The following SUCLG2 variants were observed in gnomAD, a reference collection of about 807,000 sequenced individuals.
The protein encoded by SUCLG2 is succinate-CoA ligase GDP-forming subunit beta.
A neutral mutation model predicts 47.9 loss-of-function variants in SUCLG2; 42 were observed. The ratio of observed to expected loss-of-function variants is 0.88; its 90% CI spans 0.69 to 1.14. The LOEUF is 1.14. Among genes scored for constraint, SUCLG2 ranks in the 50% most tolerant of loss-of-function variants. SUCLG2 has a pLI of 0.00. For missense variants in SUCLG2, 571 were observed against 525.9 expected, an observed-to-expected ratio of 1.09 and a Z score of -0.84; for synonymous variants, 195 against 197.3, an observed-to-expected ratio of 0.99 and a Z score of 0.10.
Position 67,375,581 on chromosome 3 carries a change from A to G in SUCLG2, c.*163T>C, listed in dbSNP as rs979729936. The stretch of plus-strand genomic sequence containing the variant: ...GACCAAAATCAGATTTAGGCTGTCT[A>G]GATATCTTATTCCAGAAAACACAGA... On this transcript the variant is annotated 3_prime_UTR_variant, in exon 11 of 11. Transcript: ENST00000307227. The G allele has an allele frequency of 9.3e-5, 133 of 1,423,250 alleles. No homozygotes were observed. Among genetic ancestry groups the G allele is most frequent in the Admixed American group, 2.3e-4 (8 of 34,492 alleles). The allele number at this position is 1,423,250 out of a possible 1,614,324, so 88.2% of individuals were successfully genotyped here.
At chr3:67,602,293 T>TAA (rs1708437398) in intron 2 of SUCLG2, among the ~76,000 whole-genome samples, 2 of 152,198 alleles carry the variant, frequency 1.3e-5, no homozygotes, top group Admixed American at 6.5e-5. Flanking sequence ...AATCCTTGCT[T>TAA]TAGTAGGCTG....
intron 6 of SUCLG2, among the ~76,000 whole-genome samples, chr3:67,513,603 T>C (rs1467831758): frequency 6.6e-6 from 1 of 152,178 alleles, no homozygotes; most frequent in African/African-American, 2.4e-5. Flanking sequence ...TGGCATGGCA[T>C]GTGGCAAGTT....
intron 9 of SUCLG2, among the ~76,000 whole-genome samples, chr3:67,461,330 T>C (rs1198590609): frequency 2.0e-5 from 3 of 152,176 alleles, no homozygotes; most frequent in Non-Finnish European, 4.4e-5. Flanking sequence ...ATAAATCTGC[T>C]TGAAGTCTTG....
intron 10 of SUCLG2, among the ~76,000 whole-genome samples, chr3:67,390,580 AT>A (rs1285670543): frequency 4.4e-4 from 67 of 152,020 alleles, no homozygotes; most frequent in Admixed American, 1.0e-3. Context: ...ACAGCTACAT[AT>A]TTGGGGGAAA....
chr3:67,472,610 AG>A (rs1704632668), intron 9 of SUCLG2, among the ~76,000 whole-genome samples: 1 of 152,208 alleles, frequency 6.6e-6, no homozygotes, highest in Admixed American at 6.5e-5. Context: ...ACTTGTTAAT[AG>A]GTTTTTATTT....
chr3:67,431,513 A>G (rs1264959811), intron 9 of SUCLG2, among the ~76,000 whole-genome samples: 3 of 152,176 alleles, frequency 2.0e-5, no homozygotes, highest in African/African-American at 7.2e-5. Flanking sequence ...GATAGACTGG[A>G]TTAAGAAAAT....
At chr3:67,498,752 T>C (rs1275934251) in intron 7 of SUCLG2, among the ~76,000 whole-genome samples, 1 of 152,238 alleles carries the variant, frequency 6.6e-6, no homozygotes, top group African/African-American at 2.4e-5. Flanking sequence ...AAATTTTTAT[T>C]GAATCAGTAT....
chr3:67,405,224 G>A (rs1285544603), intron 9 of SUCLG2, among the ~76,000 whole-genome samples: 1 of 152,216 alleles, frequency 6.6e-6, no homozygotes, highest in Non-Finnish European at 1.5e-5. Context: ...CAGCTGTGCA[G>A]GTGGTCAGGC....
intron 2 of SUCLG2, among the ~76,000 whole-genome samples, chr3:67,547,999 C>CA (rs1706912258): frequency 6.6e-6 from 1 of 152,214 alleles, no homozygotes; most frequent in South Asian, 2.1e-4. Context: ...GTACCAGGCA[C>CA]ATAGCAGGCC....
In SUCLG2 at chr3:67,400,767, G is replaced by T; in HGVS notation, c.1147C>A (p.Leu383Ile). The change falls in exon 10 of 11, where the codon CTA (leucine) becomes ATA (isoleucine). Residue 383 changes from leucine to isoleucine, a missense_variant. Transcript: ENST00000307227. Reference protein sequence around the residue: ...ANGITKACRELELKVPLVVRL... With the variant: ...ANGITKACREIELKVPLVVRL... Reference sequence around the variant, plus strand: ...ACCACCAGGGGCACCTTGAGTTCTAGCTCCCGGCAGGCTTTGGTGATCCCA... The same window carrying T: ...ACCACCAGGGGCACCTTGAGTTCTATCTCCCGGCAGGCTTTGGTGATCCCA... The T allele has an allele frequency of 6.2e-7, 1 of 1,611,852 alleles. No individual in the cohort carries two copies. The highest frequency in any genetic ancestry group is 8.5e-7 in the Non-Finnish European group (1 of 1,179,908).
intron 9 of SUCLG2, among the ~76,000 whole-genome samples, chr3:67,482,849 G>C (rs1033320259): frequency 1.3e-5 from 2 of 152,122 alleles, no homozygotes; most frequent in African/African-American, 4.8e-5. Context: ...TGGATTTTCT[G>C]CTTGCTGTTT....
intron 9 of SUCLG2, among the ~76,000 whole-genome samples, chr3:67,463,216 G>C (rs1372934924): frequency 2.0e-5 from 3 of 152,150 alleles, no homozygotes; most frequent in Non-Finnish European, 4.4e-5. Flanking sequence ...AAAATTTTCT[G>C]GATTTTAAAA....
chr3:67,576,767 T>C (rs1559579527), intron 2 of SUCLG2, among the ~76,000 whole-genome samples: 1 of 152,188 alleles, frequency 6.6e-6, no homozygotes, highest in Non-Finnish European at 1.5e-5. Context: ...TATCTCAAAC[T>C]GGGTTGGAGG....
At chr3:67,525,839 A>T (rs1706241905) in intron 4 of SUCLG2, among the ~76,000 whole-genome samples, 1 of 152,232 alleles carries the variant, frequency 6.6e-6, no homozygotes. Context: ...TGAAAAAATG[A>T]ATATATACGT....
At chr3:67,575,410 C>G (rs1467393251) in intron 2 of SUCLG2, among the ~76,000 whole-genome samples, 1 of 152,114 alleles carries the variant, frequency 6.6e-6, no homozygotes, top group Non-Finnish European at 1.5e-5. Context: ...AAACAGTATG[C>G]TATGAAGCCA....
At chr3:67,426,746 G>A (rs2106873187) in intron 9 of SUCLG2, among the ~76,000 whole-genome samples, 1 of 152,196 alleles carries the variant, frequency 6.6e-6, no homozygotes, top group South Asian at 2.1e-4. Flanking sequence ...TGGCCAACAT[G>A]GTGAAACCCC....
At chr3:67,505,368 T>C (rs1284935486) in intron 7 of SUCLG2, among the ~76,000 whole-genome samples, 2 of 152,240 alleles carry the variant, frequency 1.3e-5, no homozygotes, top group Non-Finnish European at 2.9e-5. Context: ...TATAACTTTC[T>C]GTCATTAGCA....
At chr3:67,528,522 A>T (rs745447968) in intron 3 of SUCLG2, among the ~76,000 whole-genome samples, 7 of 152,242 alleles carry the variant, frequency 4.6e-5, no homozygotes, top group Non-Finnish European at 1.0e-4. Context: ...GATTCAGATA[A>T]GGGTTGACTG....
chr3:67,626,808 G>A (rs1398362153), intron 1 of SUCLG2, among the ~76,000 whole-genome samples: 1 of 151,576 alleles, frequency 6.6e-6, no homozygotes, highest in African/African-American at 2.4e-5. Context: ...CAGCTACATG[G>A]GAGGCTGAGG....
Sources: gnomAD v4.1 joint callset for allele counts (sites outside exome capture counted in the v4.1 genomes callset) on GRCh38, gnomAD v4.1.1 for gene constraint, MANE v1.5 for transcripts, NCBI Gene and HGNC (gene_info 2026-07-23, HGNC 2026-07-21) for gene names.